FGD6: variants seen among roughly 807,000 people sequenced by gnomAD.
The protein encoded by FGD6 is FYVE, RhoGEF and PH domain containing 6.
FGD6 carries 90 observed loss-of-function variants against 149.4 expected under a neutral mutation model. That is an observed-to-expected ratio of 0.60 (90% CI 0.51 to 0.72). The LOEUF is 0.72. Ranked by LOEUF, FGD6 falls within the 30% of genes least tolerant of loss-of-function variation. FGD6 has a pLI of 0.00. For missense variants in FGD6, 1,437 were observed against 1,684.8 expected, an observed-to-expected ratio of 0.85 and a Z score of 2.57; for synonymous variants, 527 against 584.0, an observed-to-expected ratio of 0.90 and a Z score of 1.41.
chr12:95,134,485 G>A lies in FGD6; in HGVS notation c.3082+254C>T, dbSNP rs529426066. On this transcript the variant is annotated intron_variant, in intron 8 of 20. Transcript: ENST00000343958. Reference sequence around the variant, plus strand: ...GGCTTGGGATGGTCAAAGATGTTCTGAATTAAAAAGCAGCTACATGTATGA... The same window carrying A: ...GGCTTGGGATGGTCAAAGATGTTCTAAATTAAAAAGCAGCTACATGTATGA... 2.0e-5 allele frequency among the ~76,000 whole-genome samples: 3 copies of A among 152,192 alleles called. No individual in the cohort carries two copies. In the South Asian group the frequency reaches 6.2e-4, roughly 32 times the overall value.
intron 20 of FGD6, among the ~76,000 whole-genome samples, chr12:95,082,984 TAAAAAAAAA>T (rs1173446654): frequency 1.0e-3 from 32 of 31,116 alleles, no homozygotes; most frequent in South Asian, 4.0e-3. Flanking sequence ...CTGTCTCCAT[TAAAAAAAAA>T]AAAAAAAAAA....
At chr12:95,139,275 C>T (rs1879771191) in intron 6 of FGD6, among the ~76,000 whole-genome samples, 1 of 151,934 alleles carries the variant, frequency 6.6e-6, no homozygotes, top group Admixed American at 6.6e-5. Context: ...CCTGTCTCTA[C>T]AAAAAATTAA....
At chr12:95,085,955 A>G (rs1437327892) in intron 18 of FGD6, 47 bp from the exon 19 acceptor site, 16 of 1,548,960 alleles carry the variant, frequency 1.0e-5, no homozygotes, top group Non-Finnish European at 1.4e-5. Flanking sequence ...CAGACAAATT[A>G]TAACAGCAAA....
intron 5 of FGD6, among the ~76,000 whole-genome samples, chr12:95,151,850 A>G (rs911554877): frequency 1.3e-5 from 2 of 151,942 alleles, no homozygotes; most frequent in Non-Finnish European, 2.9e-5. Context: ...CTTTTGTTTT[A>G]CCCCTTTCTT....
At chr12:95,175,736 G>T (rs1455719707) in intron 2 of FGD6, among the ~76,000 whole-genome samples, 1 of 149,458 alleles carries the variant, frequency 6.7e-6, no homozygotes, top group Non-Finnish European at 1.5e-5. Context: ...GGAGGTGGAG[G>T]TTGCAGTGAG....
intron 2 of FGD6, among the ~76,000 whole-genome samples, chr12:95,182,658 C>T (rs1311756799): frequency 6.6e-6 from 1 of 152,192 alleles, no homozygotes; most frequent in Non-Finnish European, 1.5e-5. Context: ...AATGTTCAAA[C>T]TACAAATTCT....
intron 2 of FGD6, among the ~76,000 whole-genome samples, chr12:95,185,704 T>C (rs1881410201): frequency 6.6e-6 from 1 of 151,998 alleles, no homozygotes; most frequent in Non-Finnish European, 1.5e-5. Flanking sequence ...CTTCTAAAAA[T>C]ACAAAAATTA....
chr12:95,177,877 A>T (rs1881176286), intron 2 of FGD6, among the ~76,000 whole-genome samples: 2 of 151,466 alleles, frequency 1.3e-5, no homozygotes. Context: ...CTGTCACAGT[A>T]AAACCATGAA....
intron 3 of FGD6, among the ~76,000 whole-genome samples, chr12:95,158,856 T>C (rs534118944): frequency 6.1e-4 from 91 of 149,926 alleles, no homozygotes; most frequent in Middle Eastern, 6.8e-3. Flanking sequence ...ACCATGTCGT[T>C]AGTAAAAATA....
Position 95,085,893 on chromosome 12 carries a change from C to G in FGD6, c.3994G>C (p.Glu1332Gln), listed in dbSNP as rs759573841. ...AAGTAGCCACTCATAGAAGAATCCT[C>G]TGTGTTTGCTGATACCTAGATAAGA... ...AALKEVSANTEDSSMSGYLYR... is the reference protein window; with the variant it reads ...AALKEVSANTQDSSMSGYLYR... Residue 1332 changes from glutamate (E) to glutamine (Q), a missense_variant, in exon 19 of 21, where the codon GAG becomes CAG. Around this residue, in one of 2 missense-constraint regions of FGD6, gnomAD observed 382 missense variants for 538.7 expected, o/e 0.71. Coordinates refer to ENST00000343958, the MANE Select transcript of FGD6 (RefSeq NM_018351.4). 6.2e-7 allele frequency: 1 copy of G among 1,605,648 alleles called. No homozygotes were observed. Among genetic ancestry groups the G allele is most frequent in the South Asian group, 1.1e-5 (1 of 88,242 alleles).
chr12:95,081,687 T>TGTA (rs1877679429), intron 20 of FGD6, 131 bp from the exon 21 acceptor site: 9 of 263,538 alleles, frequency 3.4e-5, no homozygotes, highest in African/African-American at 2.1e-4. Flanking sequence ...ATATATGTAT[T>TGTA]TTTTTTTTTT....
chr12:95,085,212 C>CG (rs1168259001), intron 19 of FGD6, among the ~76,000 whole-genome samples: 1 of 137,370 alleles, frequency 7.3e-6, no homozygotes, highest in Non-Finnish European at 1.6e-5. Flanking sequence ...CACAGCTCTG[C>CG]CTTTTTTTTT....
intron 3 of FGD6, among the ~76,000 whole-genome samples, chr12:95,155,158 T>C (rs1178931714): frequency 6.6e-6 from 1 of 152,170 alleles, no homozygotes; most frequent in Non-Finnish European, 1.5e-5. Flanking sequence ...TATTAAAGCA[T>C]GGGTGATGTT....
In FGD6 at chr12:95,133,263, C is replaced by T. The variant is rs138880813; in HGVS notation, c.3082+1476G>A. ...TGAAACCCCGCCTCTACTAAAAATA[C>T]AAAAATTAGCCGGGCATGGTGGTGC... On this transcript the variant is annotated intron_variant, in intron 8 of 20. Coordinates refer to ENST00000343958, the MANE Select transcript of FGD6 (RefSeq NM_018351.4). Among the ~76,000 whole-genome samples the T allele has an allele frequency of 5.9e-4, 90 of 152,204 alleles. No homozygotes were observed. In the East Asian group the frequency reaches 0.017, roughly 28 times the overall value.
intron 2 of FGD6, among the ~76,000 whole-genome samples, chr12:95,181,977 C>T (rs1319539903): frequency 1.3e-5 from 2 of 151,624 alleles, no homozygotes; most frequent in East Asian, 1.9e-4. Context: ...GTTCCCAATC[C>T]AATTCCATCA....
At chr12:95,191,282 T>A (rs1881581697) in intron 2 of FGD6, among the ~76,000 whole-genome samples, 2 of 152,236 alleles carry the variant, frequency 1.3e-5, no homozygotes, top group Admixed American at 1.3e-4. Context: ...ATGCTCACCA[T>A]GTATCTAATA....
At chr12:95,162,870 G>A (rs1228076935) in intron 3 of FGD6, among the ~76,000 whole-genome samples, 1 of 152,088 alleles carries the variant, frequency 6.6e-6, no homozygotes, top group Non-Finnish European at 1.5e-5. Flanking sequence ...CTATCAATGT[G>A]TCCCGAAGAT....
chr12:95,214,876 T>C (rs1363997194), intron 1 of FGD6, among the ~76,000 whole-genome samples: 1 of 150,118 alleles, frequency 6.7e-6, no homozygotes, highest in Non-Finnish European at 1.5e-5. Flanking sequence ...TTTTTTTTTT[T>C]TTTTGAGATG....
intron 3 of FGD6, among the ~76,000 whole-genome samples, chr12:95,169,512 C>G (rs1265390784): frequency 6.6e-6 from 1 of 151,986 alleles, no homozygotes; most frequent in Non-Finnish European, 1.5e-5. Context: ...AGGAAGGAAC[C>G]CTGGGAGTCT....
Sources: gnomAD v4.1 joint callset for allele counts (sites outside exome capture counted in the v4.1 genomes callset) on GRCh38, gnomAD v4.1.1 for gene constraint, gnomAD v4.1.1 regional missense constraint, MANE v1.5 for transcripts, NCBI Gene and HGNC (gene_info 2026-07-23, HGNC 2026-07-21) for gene names.